PTPRA: variants seen among roughly 807,000 people sequenced by gnomAD.
PTPRA encodes protein tyrosine phosphatase receptor type A.
In PTPRA, 25 loss-of-function variants were observed where a neutral mutation model predicts 104.8. That is an observed-to-expected ratio of 0.24 (90% confidence interval 0.17 to 0.33). The LOEUF is 0.33. PTPRA is among the 10% of genes least tolerant of loss of function. The pLI is 1.00. For synonymous variants in PTPRA, 323 were observed against 368.9 expected, an observed-to-expected ratio of 0.88 and a Z score of 1.43; for missense variants, 765 against 1,015.3, an observed-to-expected ratio of 0.75 and a Z score of 3.35.
At chr20:2,926,420 C>G (rs1205202092) in intron 2 of PTPRA, among the ~76,000 whole-genome samples, 1 of 152,156 alleles carries the variant, frequency 6.6e-6, no homozygotes, top group African/African-American at 2.4e-5. Context: ...ATTGTCTTCC[C>G]TCTATGCATA....
intron 9 of PTPRA, among the ~76,000 whole-genome samples, chr20:2,999,281 C>T (rs2063531005): frequency 6.6e-6 from 1 of 152,130 alleles, no homozygotes; most frequent in Non-Finnish European, 1.5e-5. Context: ...GATGTCAATT[C>T]TCCCCCAAGA....
intron 5 of PTPRA, 77 bp downstream of exon 5, chr20:2,965,279 G>A (rs1262424670): frequency 7.2e-7 from 1 of 1,384,148 alleles, no homozygotes; most frequent in Non-Finnish European, 9.7e-7. Flanking sequence ...GTGTTTTCTA[G>A]CCTTAAAATT....
At chr20:3,015,955 C>A in intron 12 of PTPRA, 70 bp downstream of exon 12, 2 of 1,427,622 alleles carry the variant, frequency 1.4e-6, no homozygotes, top group South Asian at 1.2e-5. Context: ...TTTTTTCTCC[C>A]AAATGCTGAG....
the PTPRA span, chr20:2,864,956 G>C: frequency 1.9e-6 from 3 of 1,614,086 alleles, no homozygotes; most frequent in East Asian, 6.7e-5. This position sits in a 1 kb window ranked among gnomAD's most constrained non-coding sequence, Gnocchi z 5.2. Flanking sequence ...GTGAGTTCAG[G>C]CCTTCCTTCT....
intron 1 of PTPRA, among the ~76,000 whole-genome samples, chr20:2,888,545 C>A (rs1004494194): frequency 6.6e-6 from 1 of 151,544 alleles, no homozygotes; most frequent in Non-Finnish European, 1.5e-5. Flanking sequence ...GAGTGAGACC[C>A]CTGTCTCAAA....
chr20:2,951,776 T>A (rs1196291161), intron 3 of PTPRA, among the ~76,000 whole-genome samples: 1 of 152,208 alleles, frequency 6.6e-6, no homozygotes, highest in Non-Finnish European at 1.5e-5. Flanking sequence ...TCTTCGGAAC[T>A]GCGAGTAACT....
At chr20:2,944,965 G>A (rs1274780917) in intron 2 of PTPRA, among the ~76,000 whole-genome samples, 1 of 151,678 alleles carries the variant, frequency 6.6e-6, no homozygotes, top group Non-Finnish European at 1.5e-5. Context: ...CTCCCTTTCC[G>A]CTTTTCTGAA....
chr20:2,915,349 C>T (rs1051505243), intron 1 of PTPRA, among the ~76,000 whole-genome samples: 1 of 152,118 alleles, frequency 6.6e-6, no homozygotes, highest in African/African-American at 2.4e-5. Context: ...TAGGTTATTT[C>T]CACCATTTGG....
At chr20:2,960,619 G>A (rs1001850817) in intron 3 of PTPRA, among the ~76,000 whole-genome samples, 3 of 151,556 alleles carry the variant, frequency 2.0e-5, no homozygotes, top group African/African-American at 4.9e-5. Flanking sequence ...TCACTGAAGC[G>A]TCGACCTCCC....
At chr20:3,030,041 A>G (rs1018220460) in intron 20 of PTPRA, among the ~76,000 whole-genome samples, 14 of 152,054 alleles carry the variant, frequency 9.2e-5, no homozygotes, top group Non-Finnish European at 1.8e-4. Flanking sequence ...TTCCTTCTGC[A>G]CCCCTGCCCT....
chr20:3,008,563 G>C (rs757467438), intron 11 of PTPRA, among the ~76,000 whole-genome samples: 2 of 151,890 alleles, frequency 1.3e-5, no homozygotes, highest in Admixed American at 6.6e-5. Context: ...GCACGACAGC[G>C]TGAATATACT....
At chr20:2,900,071 CT>C (rs2059169103) in intron 1 of PTPRA, among the ~76,000 whole-genome samples, 1 of 152,042 alleles carries the variant, frequency 6.6e-6, no homozygotes, top group Non-Finnish European at 1.5e-5. Context: ...GATAGCGCCA[CT>C]GCACTCTAGC....
chr20:2,916,963 T>A (rs887335881), intron 1 of PTPRA, among the ~76,000 whole-genome samples: 4 of 148,594 alleles, frequency 2.7e-5, no homozygotes, highest in Non-Finnish European at 4.5e-5. Context: ...TTATTTCTTT[T>A]TTTTTTTTTT....
Position 2,923,221 on chromosome 20 carries a change from A to C in PTPRA, c.-114A>C. The C allele has an allele frequency of 8.0e-7, 1 of 1,256,888 alleles. No individual in the cohort carries two copies. Among genetic ancestry groups the C allele is most frequent in the Non-Finnish European group, 1.0e-6 (1 of 968,694 alleles). 77.9% of individuals were successfully genotyped at this position (1,256,888 alleles called of 1,614,324 possible). ...TTTTGTTGCAGGTGACACAACTAAA[A>C]AAAAACAAAGGTATTTATGGAATTC... On this transcript the variant is annotated 5_prime_UTR_variant, in exon 2 of 24. Transcript: ENST00000399903.
intron 1 of PTPRA, among the ~76,000 whole-genome samples, chr20:2,897,160 T>C (rs1368392763): frequency 6.6e-6 from 1 of 152,254 alleles, no homozygotes; most frequent in Non-Finnish European, 1.5e-5. Flanking sequence ...CAAGTTTTTG[T>C]AAAATTAGTT....
intron 1 of PTPRA, among the ~76,000 whole-genome samples, chr20:2,874,132 T>A (rs2146722784): frequency 6.6e-6 from 1 of 152,296 alleles, no homozygotes; most frequent in African/African-American, 2.4e-5. Context: ...ACTCTTGGCA[T>A]GAGAAAATTT....
chr20:2,897,895 T>C (rs1294407199), intron 1 of PTPRA, among the ~76,000 whole-genome samples: 2 of 149,190 alleles, frequency 1.3e-5, no homozygotes, highest in Non-Finnish European at 3.0e-5. Context: ...TTTTTCCATG[T>C]CCTCATCATT....
intron 3 of PTPRA, among the ~76,000 whole-genome samples, chr20:2,959,726 G>T (rs777230036): frequency 6.6e-6 from 1 of 152,294 alleles, no homozygotes; most frequent in Non-Finnish European, 1.5e-5. Flanking sequence ...GCCAAGGTGG[G>T]CAGATCACAA....
chr20:2,985,450 C>T (rs922462930), intron 6 of PTPRA, among the ~76,000 whole-genome samples: 7 of 152,304 alleles, frequency 4.6e-5, no homozygotes, highest in Non-Finnish European at 1.0e-4. Flanking sequence ...AGAGACTTGT[C>T]TTCCCTTTTA....
Sources: allele counts gnomAD v4.1 joint callset (sites outside exome capture counted in the v4.1 genomes callset), GRCh38; gene constraint gnomAD v4.1.1; non-coding constraint Gnocchi (gnomAD v3.1); transcripts MANE v1.5; gene names NCBI Gene and HGNC (gene_info 2026-07-23, HGNC 2026-07-21).